Variants in DSCAML1 observed in about 807,000 individuals in gnomAD.
The protein encoded by DSCAML1 is DS cell adhesion molecule like 1, also known as cell adhesion molecule DSCAML1.
Under a neutral mutation model 200.5 loss-of-function variants are expected in DSCAML1, and 38 were observed. The observed-to-expected ratio is 0.19, with a 90% CI of 0.15 to 0.25. The LOEUF (loss-of-function observed/expected upper bound fraction) is 0.25. DSCAML1 is among the 10% of genes least tolerant of loss of function. The pLI, the probability that DSCAML1 is intolerant of heterozygous loss-of-function variation, is 1.00. For missense variants in DSCAML1, 2,223 were observed against 2,858.8 expected (o/e 0.78, Z 5.07); for synonymous variants, 1,215 against 1,165.0 (o/e 1.04, Z -0.87).
intron 3 of DSCAML1, among the ~76,000 whole-genome samples, chr11:117,750,611 G>A (rs771502252): frequency 2.6e-5 from 4 of 152,148 alleles, no homozygotes; most frequent in Admixed American, 6.5e-5. Flanking sequence ...TGCCCAAGGC[G>A]GGGACATAAG....
intron 3 of DSCAML1, among the ~76,000 whole-genome samples, chr11:117,577,652 T>C (rs536788646): frequency 6.5e-4 from 98 of 150,730 alleles, no homozygotes; most frequent in Non-Finnish European, 1.1e-3. Context: ...CTGCAACCTC[T>C]GCCTCCCGGG....
At chr11:117,765,825 G>T (rs568968477) in intron 3 of DSCAML1, among the ~76,000 whole-genome samples, 4 of 152,280 alleles carry the variant, frequency 2.6e-5, no homozygotes, top group Admixed American at 2.6e-4. Flanking sequence ...GCGGAGTCAG[G>T]GTTGGAACCC....
chr11:117,483,194 C>T (rs1359274561), intron 11 of DSCAML1, among the ~76,000 whole-genome samples: 1 of 152,208 alleles, frequency 6.6e-6, no homozygotes, highest in Non-Finnish European at 1.5e-5. Context: ...CTTTCTCCTC[C>T]GCCCAACTCA....
At chr11:117,762,869 T>A (rs200612907) in intron 3 of DSCAML1, among the ~76,000 whole-genome samples, 2 of 2,688 alleles carry the variant, frequency 7.4e-4, no homozygotes, top group African/African-American at 9.6e-4. Context: ...TCTCAAATAG[T>A]AATAATAATA....
intron 3 of DSCAML1, among the ~76,000 whole-genome samples, chr11:117,569,350 C>A (rs911516622): frequency 1.3e-5 from 2 of 152,144 alleles, no homozygotes; most frequent in African/African-American, 4.8e-5. Context: ...CAATGGCAAC[C>A]AAAGCCAAAA....
rs2047933720 is a variant in DSCAML1, at chr11:117,437,095, A to G, written c.4720+27T>C. The G allele has an allele frequency of 5.0e-6, 8 of 1,601,630 alleles. No homozygotes were observed. The East Asian group carries it at 1.8e-4, about 36-fold the overall frequency. On this transcript the variant is annotated intron_variant, in intron 26 of 32. Coordinates refer to ENST00000651296, the MANE Select transcript of DSCAML1 (RefSeq NM_020693.4). The surrounding 1 kb of genome is among the most constrained non-coding windows in gnomAD (Gnocchi z 5.3). ...CGCACCACCCTGCTCCAGCCTCTGT[A>G]CCATCCCTTCCACCCTTGCGACTCA...
intron 1 of DSCAML1, among the ~76,000 whole-genome samples, chr11:117,783,314 C>T (rs1318169595): frequency 6.6e-6 from 1 of 152,154 alleles, no homozygotes; most frequent in Non-Finnish European, 1.5e-5. Flanking sequence ...AAAGACTCTA[C>T]ATTGTGCCTG....
chr11:117,528,600 A>G (rs896823626), intron 4 of DSCAML1, among the ~76,000 whole-genome samples: 5 of 152,160 alleles, frequency 3.3e-5, no homozygotes, highest in Non-Finnish European at 7.4e-5. Flanking sequence ...CCAGCTGAAC[A>G]GCATTGCTGT....
intron 3 of DSCAML1, among the ~76,000 whole-genome samples, chr11:117,684,662 T>C (rs770196331): frequency 6.6e-6 from 1 of 152,186 alleles, no homozygotes; most frequent in African/African-American, 2.4e-5. Flanking sequence ...TCTGTTCTGA[T>C]GTGTCTGTCT....
intron 3 of DSCAML1, among the ~76,000 whole-genome samples, chr11:117,746,699 C>T (rs1433052477): frequency 2.0e-5 from 3 of 152,176 alleles, no homozygotes; most frequent in African/African-American, 7.2e-5. Context: ...CCTGCCATGC[C>T]CTGACCCAGG....
chr11:117,593,525 G>C (rs1338703521), intron 3 of DSCAML1, among the ~76,000 whole-genome samples: 4 of 152,192 alleles, frequency 2.6e-5, no homozygotes, highest in Admixed American at 2.6e-4. Context: ...TGTGTATAGG[G>C]TTCTACAAAT....
chr11:117,700,245 T>A (rs1258744534), intron 3 of DSCAML1, among the ~76,000 whole-genome samples: 1 of 152,224 alleles, frequency 6.6e-6, no homozygotes, highest in African/African-American at 2.4e-5. Context: ...CAAGTCTATC[T>A]GCAGCCCCAT....
intron 1 of DSCAML1, among the ~76,000 whole-genome samples, chr11:117,805,657 C>G (rs2055702123): frequency 1.3e-5 from 2 of 152,026 alleles, no homozygotes. Context: ...GTTAAAAACT[C>G]TGTTCTTTCA....
Position 117,533,811 on chromosome 11 carries a change from G to A in DSCAML1, c.512-1289C>T, listed in dbSNP as rs550590712. 8.5e-5 allele frequency among the ~76,000 whole-genome samples: 13 copies of A among 152,280 alleles called. No individual in the cohort carries two copies. In the South Asian group the frequency reaches 2.7e-3, roughly 32 times the overall value. ...GAGAAAACTGGACTTGAGGGTTGGG[G>A]GGCGGGGTTTGCACTAGACTCCCTA... On this transcript the variant is annotated intron_variant, in intron 3 of 32. Coordinates refer to ENST00000651296, the MANE Select transcript of DSCAML1 (RefSeq NM_020693.4).
intron 3 of DSCAML1, among the ~76,000 whole-genome samples, chr11:117,759,952 A>AG (rs2054770457): frequency 6.6e-6 from 1 of 152,156 alleles, no homozygotes; most frequent in Non-Finnish European, 1.5e-5. Context: ...GCCCTGGAAG[A>AG]GGGGGCAGGA....
chr11:117,764,958 C>A (rs1217747145), intron 3 of DSCAML1, among the ~76,000 whole-genome samples: 1 of 152,228 alleles, frequency 6.6e-6, no homozygotes, highest in Admixed American at 6.5e-5. Flanking sequence ...TGCACGGCCG[C>A]CTTCATGGCC....
intron 3 of DSCAML1, among the ~76,000 whole-genome samples, chr11:117,627,409 T>C (rs907497488): frequency 6.6e-6 from 1 of 152,190 alleles, no homozygotes; most frequent in Non-Finnish European, 1.5e-5. Flanking sequence ...CTGGTGCTGA[T>C]TTCCAGGGCT....
chr11:117,473,506 A>AAAAACAAAAC (rs902547053), intron 14 of DSCAML1, among the ~76,000 whole-genome samples: 1 of 152,206 alleles, frequency 6.6e-6, no homozygotes, highest in Non-Finnish European at 1.5e-5. Flanking sequence ...CAAAAATGAA[A>AAAAACAAAAC]AAAACAAAAC....
chr11:117,647,853 T>C (rs118124985), intron 3 of DSCAML1, among the ~76,000 whole-genome samples: 2,904 of 152,254 alleles, frequency 0.019, 47 homozygotes, highest in Non-Finnish European at 0.024. Context: ...GCCTTGGCCT[T>C]TTCTCAGACC....
Sources: gnomAD v4.1 joint callset for allele counts (sites outside exome capture counted in the v4.1 genomes callset) on GRCh38, gnomAD v4.1.1 for gene constraint, Gnocchi (gnomAD v3.1) non-coding constraint, MANE v1.5 for transcripts, NCBI Gene and HGNC (gene_info 2026-07-23, HGNC 2026-07-21) for gene names.